The following PRKCE variants were observed in gnomAD, a reference collection of about 807,000 sequenced individuals.
PRKCE encodes the protein protein kinase C epsilon type.
A neutral mutation model predicts 85.4 loss-of-function variants in PRKCE; 16 were observed. That is an observed-to-expected ratio of 0.19 (90% CI 0.13 to 0.28). The LOEUF is 0.28. Among genes scored for constraint, PRKCE ranks in the 10% least tolerant of loss-of-function variants. PRKCE has a pLI of 1.00. For missense variants in PRKCE, 573 were observed against 975.2 expected (o/e 0.59, Z 5.49); for synonymous variants, 388 against 371.5 (o/e 1.04, Z -0.51).
At chr2:45,778,081 C>T (rs1192066738) in intron 1 of PRKCE, among the ~76,000 whole-genome samples, 1 of 129,538 alleles carries the variant, frequency 7.7e-6, no homozygotes, top group African/African-American at 2.9e-5. Context: ...CTTCATTTTC[C>T]TCATTGGGAG....
Position 45,703,021 on chromosome 2 carries a change from T to C in PRKCE, c.348+50573T>C, listed in dbSNP as rs868087193. ...CAAGTTTTCTTGAGAAAGCCTTTTT[T>C]CCCCCCCCGTCAGGAAGTCAGTCCT... On this transcript the variant is annotated intron_variant, in intron 1 of 14. Coordinates refer to ENST00000306156, the MANE Select transcript of PRKCE (RefSeq NM_005400.3). 5.1e-3 allele frequency among the ~76,000 whole-genome samples: 759 copies of C among 150,070 alleles called. 4 individuals carry two copies. The highest frequency in any genetic ancestry group is 0.014 in the South Asian group (68 of 4,714).
At chr2:46,008,942 G>T (rs1388396543) in intron 9 of PRKCE, among the ~76,000 whole-genome samples, 1 of 152,068 alleles carries the variant, frequency 6.6e-6, no homozygotes, top group Admixed American at 6.5e-5. Flanking sequence ...TAAAATACGC[G>T]GGCGACAAAA....
chr2:45,665,503 G>A (rs1345149670), intron 1 of PRKCE, among the ~76,000 whole-genome samples: 1 of 152,222 alleles, frequency 6.6e-6, no homozygotes, highest in Non-Finnish European at 1.5e-5. Flanking sequence ...CCCAGTTGAT[G>A]AGCAACTGTG....
intron 1 of PRKCE, among the ~76,000 whole-genome samples, chr2:45,809,332 T>C (rs1688484743): frequency 1.3e-5 from 2 of 152,206 alleles, no homozygotes; most frequent in Admixed American, 1.3e-4. Flanking sequence ...TTTTTGATAC[T>C]AATGGCCACC....
At chr2:45,879,774 C>T (rs1010375125) in intron 2 of PRKCE, among the ~76,000 whole-genome samples, 8 of 152,196 alleles carry the variant, frequency 5.3e-5, no homozygotes, top group South Asian at 2.1e-4. Flanking sequence ...GTTTCAATTA[C>T]GCATATTCAT....
intron 10 of PRKCE, among the ~76,000 whole-genome samples, chr2:46,044,350 A>G (rs1463827349): frequency 6.6e-6 from 1 of 152,216 alleles, no homozygotes; most frequent in Non-Finnish European, 1.5e-5. Context: ...AGATATCAAT[A>G]TTGGCTTAGG....
intron 6 of PRKCE, among the ~76,000 whole-genome samples, chr2:45,988,164 G>T (rs866021983): frequency 6.6e-6 from 1 of 152,194 alleles, no homozygotes; most frequent in Non-Finnish European, 1.5e-5. Flanking sequence ...TGGAGCTCTG[G>T]TCCCCTGGTC....
intron 11 of PRKCE, among the ~76,000 whole-genome samples, chr2:46,098,279 C>G (rs1299608177): frequency 4.6e-5 from 7 of 152,124 alleles, no homozygotes; most frequent in Non-Finnish European, 1.0e-4. Flanking sequence ...ACTTAACTTC[C>G]CTAAACCTCA....
chr2:45,708,267 A>T (rs1411119649), intron 1 of PRKCE, among the ~76,000 whole-genome samples: 3 of 152,214 alleles, frequency 2.0e-5, no homozygotes, highest in East Asian at 1.9e-4. Flanking sequence ...GAGATGGCTT[A>T]TGTGTCCACC....
At chr2:45,830,449 G>A (rs1439312771) in intron 1 of PRKCE, among the ~76,000 whole-genome samples, 2 of 152,100 alleles carry the variant, frequency 1.3e-5, no homozygotes, top group Non-Finnish European at 2.9e-5. Flanking sequence ...AAATCTCCTA[G>A]ACTATGGAAT....
intron 2 of PRKCE, among the ~76,000 whole-genome samples, chr2:45,938,203 T>C (rs971060053): frequency 6.6e-6 from 1 of 152,140 alleles, no homozygotes; most frequent in African/African-American, 2.4e-5. Flanking sequence ...GGGTGGTATT[T>C]AGTCTCTTGG....
chr2:46,051,552 A>C (rs1708859486), intron 10 of PRKCE, among the ~76,000 whole-genome samples: 2 of 152,190 alleles, frequency 1.3e-5, no homozygotes, highest in African/African-American at 4.8e-5. Context: ...GGGAACCTGG[A>C]AGACATTTCC....
Position 45,956,521 on chromosome 2 carries a change from G to GAA in PRKCE, c.413-19895_413-19894dup, listed in dbSNP as rs112737184. On this transcript the variant is annotated intron_variant, in intron 2 of 14. Transcript: ENST00000306156. Reference sequence around the variant, plus strand: ...AATGGTGAAACCCTGTCTCTACTAAGAAAAAAAAAAAAAATTAGCCAGGTG... The same window carrying GAA: ...AATGGTGAAACCCTGTCTCTACTAAGAAAAAAAAAAAAAAAATTAGCCAGGTG... Among the ~76,000 whole-genome samples, 346 of 137,410 alleles carry GAA rather than the reference G, an allele frequency of 2.5e-3. 5 individuals are homozygous for GAA. The highest frequency in any genetic ancestry group is 8.9e-3 in the African/African-American group (335 of 37,616). 90.1% of individuals were successfully genotyped at this position (137,410 alleles called of 152,430 possible).
At chr2:45,671,381 C>T (rs758144988) in intron 1 of PRKCE, among the ~76,000 whole-genome samples, 4 of 152,168 alleles carry the variant, frequency 2.6e-5, no homozygotes, top group Non-Finnish European at 4.4e-5. Context: ...TGCACATGCA[C>T]GGGTATATAG....
intron 2 of PRKCE, among the ~76,000 whole-genome samples, chr2:45,920,747 G>A (rs1265830425): frequency 6.6e-6 from 1 of 152,172 alleles, no homozygotes; most frequent in Admixed American, 6.5e-5. Context: ...TGGAGAACAG[G>A]GGGTGGTCGC....
Position 46,004,328 on chromosome 2 carries a change from T to G in PRKCE, c.967-214T>G. ...GAATGTAGGGAAGGTGCACTGAAAT[T>G]CCTTTTGTGGTTCTTGCTCTGGTCA... On this transcript the variant is annotated intron_variant, in intron 7 of 14. Transcript: ENST00000306156. This position sits in a 1 kb window ranked among gnomAD's most constrained non-coding sequence, Gnocchi z 4.1. The G allele has an allele frequency of 2.0e-6, 1 of 497,022 alleles. No individual in the cohort carries two copies. The highest frequency in any genetic ancestry group is 3.2e-5 in the Admixed American group (1 of 30,778). 30.8% of individuals were successfully genotyped at this position (497,022 alleles called of 1,614,324 possible).
intron 1 of PRKCE, among the ~76,000 whole-genome samples, chr2:45,747,825 T>C (rs1287211626): frequency 6.6e-6 from 1 of 152,214 alleles, no homozygotes; most frequent in Non-Finnish European, 1.5e-5. Flanking sequence ...CCACTGACAA[T>C]GCACAAGGGT....
chr2:45,846,084 C>T (rs910316987), intron 2 of PRKCE, among the ~76,000 whole-genome samples: 4 of 152,100 alleles, frequency 2.6e-5, no homozygotes, highest in African/African-American at 9.7e-5. Flanking sequence ...CCATGTTTTA[C>T]TTGCATCGTA....
At chr2:45,721,252 GT>G (rs1293119075) in intron 1 of PRKCE, among the ~76,000 whole-genome samples, 4 of 152,188 alleles carry the variant, frequency 2.6e-5, no homozygotes, top group Non-Finnish European at 5.9e-5. Context: ...CAGCCTGCTA[GT>G]TAAGAGGCAG....
Sources: allele counts gnomAD v4.1 joint callset (sites outside exome capture counted in the v4.1 genomes callset), GRCh38; gene constraint gnomAD v4.1.1; non-coding constraint Gnocchi (gnomAD v3.1); transcripts MANE v1.5; gene names NCBI Gene and HGNC (gene_info 2026-07-23, HGNC 2026-07-21).